The following MAP4 variants were observed in gnomAD, a reference collection of about 807,000 sequenced individuals.
The protein encoded by MAP4 is microtubule associated protein 4.
Under a neutral mutation model 170.2 loss-of-function variants are expected in MAP4, and 76 were observed. That is an observed-to-expected ratio of 0.45 (90% CI 0.37 to 0.54). The LOEUF is 0.54. Ranked by LOEUF, MAP4 falls within the 20% of genes least tolerant of loss-of-function variation. MAP4 has a pLI of 0.00. For missense variants in MAP4, 2,506 were observed against 2,748.0 expected, an observed-to-expected ratio of 0.91 and a Z score of 1.97; for synonymous variants, 909 against 994.5, an observed-to-expected ratio of 0.91 and a Z score of 1.62.
At chr3:47,980,961 G>A (rs1053552367) in intron 2 of MAP4, among the ~76,000 whole-genome samples, 1 of 152,094 alleles carries the variant, frequency 6.6e-6, no homozygotes, top group Non-Finnish European at 1.5e-5. Flanking sequence ...GCATTGACAA[G>A]GGTAATTTCA....
intron 9 of MAP4, among the ~76,000 whole-genome samples, chr3:47,907,522 C>T (rs1441318971): frequency 1.3e-5 from 2 of 152,108 alleles, no homozygotes; most frequent in African/African-American, 4.8e-5. Context: ...ATTATCCTTC[C>T]CATACCCACT....
intron 2 of MAP4, among the ~76,000 whole-genome samples, chr3:47,986,221 C>T (rs1294026117): frequency 6.6e-6 from 1 of 152,084 alleles, no homozygotes; most frequent in Non-Finnish European, 1.5e-5. Flanking sequence ...TTAAGCAATC[C>T]TCCTTCCTAT....
intron 20 of MAP4, 26 bp downstream of exon 20, chr3:47,853,137 C>T: frequency 6.2e-7 from 1 of 1,608,702 alleles, no homozygotes; most frequent in Non-Finnish European, 8.5e-7. Flanking sequence ...CCCTGGCTGG[C>T]CCTTAGGCCG....
intron 3 of MAP4, among the ~76,000 whole-genome samples, chr3:47,942,936 C>T (rs913041474): frequency 6.6e-6 from 1 of 152,076 alleles, no homozygotes; most frequent in East Asian, 1.9e-4. Flanking sequence ...GTAGCAAGAC[C>T]CCAACCTCTA....
In MAP4 at chr3:47,852,540, CA is replaced by C. The variant is rs1559747781; in HGVS notation, c.*393del. The C allele has an allele frequency of 7.9e-6, 4 of 505,016 alleles. No individual in the cohort carries two copies. The highest frequency in any genetic ancestry group is 3.3e-5 in the East Asian group (1 of 30,504). The allele number at this position is 505,016 out of a possible 1,614,324, so 31.3% of individuals were successfully genotyped here. On this transcript the variant is annotated 3_prime_UTR_variant, in exon 21 of 21. Transcript: ENST00000683076. Reference sequence around the variant, plus strand: ...TTCTTTTGGGTTTGGACCAAAGAACCAAAAAAAGATGAGGATAGAATCTGGT... The same window carrying C: ...TTCTTTTGGGTTTGGACCAAAGAACCAAAAAAGATGAGGATAGAATCTGGT...
Position 47,998,774 on chromosome 3 carries a change from T to C in MAP4, c.87A>G (p.Leu29=). The change falls in exon 2 of 21, where the codon CTA becomes CTG. Residue 29 remains leucine, a synonymous_variant. Coordinates refer to ENST00000683076, the MANE Select transcript of MAP4 (RefSeq NM_001385682.1). ...GEIKRDFIAT[L]EAEAFDDVVG... The stretch of plus-strand genomic sequence containing the variant: ...CAACATCATCAAAGGCCTCTGCCTC[T>C]AGTGTGGCAATGAAGTCCCGCTTTA... The C allele has an allele frequency of 6.2e-7, 1 of 1,613,864 alleles. No individual in the cohort carries two copies. The highest frequency in any genetic ancestry group is 1.3e-5 in the African/African-American group (1 of 75,050).
intron 1 of MAP4, among the ~76,000 whole-genome samples, chr3:48,035,141 C>T (rs552269149): frequency 6.9e-6 from 1 of 145,154 alleles, no homozygotes; most frequent in African/African-American, 2.5e-5. Context: ...AAAAAGCAAA[C>T]TTCATATTAC....
chr3:48,074,667 T>A (rs1416100293), intron 1 of MAP4, among the ~76,000 whole-genome samples: 1 of 145,562 alleles, frequency 6.9e-6, no homozygotes, highest in Non-Finnish European at 1.5e-5. Context: ...AGCCACCACA[T>A]CCAGCTAATT....
chr3:47,928,094 G>C (rs1031669665), intron 4 of MAP4, 134 bp downstream of exon 4: 31 of 1,048,580 alleles, frequency 3.0e-5, no homozygotes, highest in Non-Finnish European at 4.3e-5. Flanking sequence ...GAAGAGAAAG[G>C]GACAAACCAA....
At chr3:48,046,510 T>G (rs1446489486) in intron 1 of MAP4, among the ~76,000 whole-genome samples, 2 of 152,218 alleles carry the variant, frequency 1.3e-5, no homozygotes, top group Non-Finnish European at 2.9e-5. Flanking sequence ...AAAAGCCTTC[T>G]TCACAGTAAT....
intron 3 of MAP4, among the ~76,000 whole-genome samples, chr3:47,954,371 C>T (rs557372231): frequency 6.6e-6 from 1 of 152,136 alleles, no homozygotes; most frequent in African/African-American, 2.4e-5. Context: ...TACTGGTAAT[C>T]AGAACACCTT....
intron 1 of MAP4, among the ~76,000 whole-genome samples, chr3:48,062,850 G>A (rs1579718275): frequency 6.6e-6 from 1 of 151,488 alleles, no homozygotes; most frequent in East Asian, 1.9e-4. Context: ...CTTGAACCTG[G>A]GAGGCGGGAG....
At chr3:48,050,656 C>A (rs1015067891) in intron 1 of MAP4, among the ~76,000 whole-genome samples, 1 of 151,192 alleles carries the variant, frequency 6.6e-6, no homozygotes, top group Non-Finnish European at 1.5e-5. Context: ...CAACTGTAAT[C>A]CCAACACTTT....
At position 47,917,287 on chromosome 3, in the gene MAP4, T is replaced by A; in HGVS notation, c.653-113A>T. On this transcript the variant is annotated intron_variant, in intron 6 of 20. Transcript: ENST00000683076. ...TTTTGTGACCATAAGACTGTACACA[T>A]AACTAAGAATTAATGTTAGGCCGGG... 3 of 822,682 alleles carry A rather than the reference T, an allele frequency of 3.6e-6. No individual in the cohort carries two copies. The South Asian group carries it at 5.1e-5, about 14-fold the overall frequency. The allele number at this position is 822,682 out of a possible 1,614,324, so 51.0% of individuals were successfully genotyped here. A position where few individuals can be genotyped will look rare whatever the true frequency, so the allele number is the denominator to read the frequency against.
chr3:47,920,807 T>C (rs1559470884), intron 5 of MAP4, among the ~76,000 whole-genome samples: 1 of 151,688 alleles, frequency 6.6e-6, no homozygotes, highest in Non-Finnish European at 1.5e-5. Context: ...TCACCTCAGC[T>C]TCCCAAAGTG....
At chr3:47,985,086 C>G (rs1306084355) in intron 2 of MAP4, among the ~76,000 whole-genome samples, 3 of 151,944 alleles carry the variant, frequency 2.0e-5, no homozygotes, top group African/African-American at 7.3e-5. Context: ...TTGAGACCAG[C>G]CTGGCCAACG....
chr3:48,055,178 CTCCCTCTCCCTCTCCCTCTCCGTCTCCG>C (rs2100130172), intron 1 of MAP4, among the ~76,000 whole-genome samples: 1 of 33,670 alleles, frequency 3.0e-5, no homozygotes, highest in African/African-American at 7.0e-5. Flanking sequence ...TTTAAAAAGT[CTCCCTCTCCCTCTCCCTCTCCGTCTCCG>C]TCTCCGTCTC....
intron 4 of MAP4, among the ~76,000 whole-genome samples, chr3:47,924,337 T>C (rs1038819983): frequency 3.3e-5 from 5 of 152,316 alleles, no homozygotes; most frequent in African/African-American, 1.2e-4. Context: ...TAAAATTCCA[T>C]CTATAGGTTG....
At chr3:48,039,115 A>G (rs1454301777) in intron 1 of MAP4, among the ~76,000 whole-genome samples, 4 of 152,158 alleles carry the variant, frequency 2.6e-5, no homozygotes, top group Non-Finnish European at 4.4e-5. Flanking sequence ...AAAAAAACAA[A>G]CAAACAAAAA....
Sources: gnomAD v4.1 joint callset for allele counts (sites outside exome capture counted in the v4.1 genomes callset) on GRCh38, gnomAD v4.1.1 for gene constraint, MANE v1.5 for transcripts, NCBI Gene and HGNC (gene_info 2026-07-23, HGNC 2026-07-21) for gene names.